Variants in COLQ observed in about 807,000 individuals in gnomAD.
The protein encoded by COLQ is collagen like tail subunit of asymmetric acetylcholinesterase.
Under a neutral mutation model 69.0 loss-of-function variants are expected in COLQ, and 48 were observed. The ratio of observed to expected loss-of-function variants is 0.70; its 90% CI spans 0.55 to 0.88. The LOEUF is 0.88. Among genes scored for constraint, COLQ ranks in the 40% least tolerant of loss-of-function variants. The probability of loss-of-function intolerance (pLI) is 0.00; values close to 1 mark genes in which losing one functional copy is unlikely to be tolerated. For missense variants in COLQ, 618 were observed against 594.6 expected, an observed-to-expected ratio of 1.04 and a Z score of -0.41; for synonymous variants, 217 against 211.2, an observed-to-expected ratio of 1.03 and a Z score of -0.24.
intron 1 of COLQ, among the ~76,000 whole-genome samples, chr3:15,492,302 G>C (rs2062679784): frequency 6.6e-6 from 1 of 152,128 alleles, no homozygotes; most frequent in Non-Finnish European, 1.5e-5. Context: ...TTCCCGACTA[G>C]ATAAAGCACA....
At chr3:15,463,277 AT>A (rs59097483) in intron 12 of COLQ, among the ~76,000 whole-genome samples, 152,105 of 152,106 alleles carry the variant, frequency 1, 76,052 homozygotes, top group Middle Eastern at 1. Context: ...CACCAATCCC[AT>A]TGCCCCTGGA....
intron 1 of COLQ, among the ~76,000 whole-genome samples, chr3:15,500,631 A>G (rs532391311): frequency 7.9e-5 from 12 of 152,178 alleles, no homozygotes; most frequent in African/African-American, 2.9e-4. Flanking sequence ...CAGGTTCACG[A>G]ATATCTTCTG....
At chr3:15,474,329 A>T (rs2062341989) in intron 8 of COLQ, 57 bp from the exon 9 acceptor site, 8 of 1,584,212 alleles carry the variant, frequency 5.0e-6, no homozygotes, top group Non-Finnish European at 6.1e-6. Flanking sequence ...GGGAAATTCA[A>T]GCATTTCAAA....
At chr3:15,472,987 G>C (rs34573736) in intron 10 of COLQ, among the ~76,000 whole-genome samples, 3 of 150,764 alleles carry the variant, frequency 2.0e-5, no homozygotes, top group Non-Finnish European at 2.9e-5. Flanking sequence ...AGCCTCCTGA[G>C]TCGCTGGGAC....
chr3:15,478,576 T>G, intron 5 of COLQ: 2 of 266,998 alleles, frequency 7.5e-6, no homozygotes, highest in South Asian at 5.1e-5. Flanking sequence ...CAAAAGCCAT[T>G]TGTTTCTGTC....
intron 1 of COLQ, among the ~76,000 whole-genome samples, chr3:15,514,244 C>T (rs1054408491): frequency 1.3e-5 from 2 of 152,104 alleles, no homozygotes; most frequent in Admixed American, 6.5e-5. Flanking sequence ...ATTACAGTAG[C>T]CATAGGAAAC....
At chr3:15,484,121 A>T (rs573224518) in intron 3 of COLQ, among the ~76,000 whole-genome samples, 2 of 152,004 alleles carry the variant, frequency 1.3e-5, no homozygotes, top group African/African-American at 4.8e-5. Context: ...TGCACGTGAG[A>T]TGGGTCTCCT....
At chr3:15,487,231 A>T (rs1450319017) in intron 3 of COLQ, among the ~76,000 whole-genome samples, 2 of 152,214 alleles carry the variant, frequency 1.3e-5, no homozygotes, top group African/African-American at 4.8e-5. Flanking sequence ...GTGGCATAGA[A>T]GCTGAGTCCT....
intron 14 of COLQ, 70 bp downstream of exon 14, chr3:15,456,390 T>C (rs1401956555): frequency 1.2e-6 from 2 of 1,602,480 alleles, no homozygotes; most frequent in Admixed American, 1.7e-5. Context: ...GGGGTGGCCT[T>C]CCCTTCCTTT....
intron 1 of COLQ, among the ~76,000 whole-genome samples, chr3:15,494,815 G>A (rs2062722385): frequency 6.6e-6 from 1 of 152,212 alleles, no homozygotes; most frequent in Admixed American, 6.5e-5. Flanking sequence ...TTTATCCCCA[G>A]GGTCTAGCAC....
chr3:15,485,192 C>T (rs2062554086), intron 3 of COLQ, among the ~76,000 whole-genome samples: 1 of 152,216 alleles, frequency 6.6e-6, no homozygotes. Context: ...TGGGTATCAC[C>T]AGTGGAGGCT....
Position 15,478,982 on chromosome 3 carries a change from T to C in COLQ, c.388A>G (p.Arg130Gly), listed in dbSNP as rs758861218. 1.2e-6 allele frequency: 2 copies of C among 1,614,072 alleles called. No homozygotes were observed. The highest frequency in any genetic ancestry group is 1.7e-6 in the Non-Finnish European group (2 of 1,180,032). Residue 130 changes from arginine (R) to glycine (G), a missense_variant, in exon 5 of 17, where the codon AGG becomes GGG. By Grantham distance (125) the Arg-to-Gly change is moderately radical (BLOSUM62 -2). Coordinates refer to ENST00000383788, the MANE Select transcript of COLQ (RefSeq NM_005677.4). Reference protein sequence around the residue: ...GEKGELGRPGRKGRPGPPGVP... With the variant: ...GEKGELGRPGGKGRPGPPGVP... ...CAGAACAGCGCAGACCATACCTTCC[T>C]TCCTGGTCGGCCAAGCTCCCCCTAT...
intron 2 of COLQ, 139 bp downstream of exon 2, chr3:15,489,386 T>C: frequency 2.6e-6 from 2 of 776,802 alleles, no homozygotes; most frequent in South Asian, 1.5e-5. Flanking sequence ...GCTCAACTTC[T>C]GGGTGACAGT....
chr3:15,489,469 G>A, intron 2 of COLQ, 56 bp downstream of exon 2: 1 of 1,515,562 alleles, frequency 6.6e-7, no homozygotes, highest in Non-Finnish European at 9.2e-7. Context: ...GGGGCTGCGT[G>A]GTGTGCACTG....
intron 1 of COLQ, among the ~76,000 whole-genome samples, chr3:15,500,346 C>T (rs2062814098): frequency 6.6e-6 from 1 of 152,206 alleles, no homozygotes; most frequent in African/African-American, 2.4e-5. Flanking sequence ...CTGACTTTCT[C>T]TATTCTGAGT....
At chr3:15,497,499 C>T (rs1334839535) in intron 1 of COLQ, among the ~76,000 whole-genome samples, 2 of 152,150 alleles carry the variant, frequency 1.3e-5, no homozygotes, top group Non-Finnish European at 1.5e-5. Context: ...TTCCCTCCCA[C>T]CCCCTCAATC....
At chr3:15,454,430 A>G (rs73818508) in intron 15 of COLQ, among the ~76,000 whole-genome samples, 3,378 of 152,154 alleles carry the variant, frequency 0.022, 102 homozygotes, top group African/African-American at 0.073. Flanking sequence ...TGGAGTATGG[A>G]TCCCAGCGTT....
At position 15,470,589 on chromosome 3, in the gene COLQ, C is replaced by A; in HGVS notation, c.664G>T (p.Gly222Trp). ...GTGGGTCCTCGGTGTCCTGCTATCC[C>A]AGGTTCACCTTTTGGACCCATTTCA... Reference protein sequence around the residue: ...KGEMGPKGEPGIAGHRGPTGR... With the variant: ...KGEMGPKGEPWIAGHRGPTGR... The change falls in exon 11 of 17, where the codon GGG (glycine) becomes TGG (tryptophan). Residue 222 changes from glycine (G) to tryptophan (W), a missense_variant. Coordinates refer to ENST00000383788, the MANE Select transcript of COLQ (RefSeq NM_005677.4). 6.2e-7 allele frequency: 1 copy of A among 1,614,142 alleles called. No homozygotes were observed. Among genetic ancestry groups the A allele is most frequent in the Non-Finnish European group, 8.5e-7 (1 of 1,180,022 alleles).
chr3:15,475,025 T>A (rs1330551030), intron 7 of COLQ, 74 bp from the exon 8 acceptor site: 7 of 1,372,526 alleles, frequency 5.1e-6, no homozygotes, highest in South Asian at 2.3e-5. Context: ...ATAGAAGGAA[T>A]CCCTGAATGT....
Sources: allele counts gnomAD v4.1 joint callset (sites outside exome capture counted in the v4.1 genomes callset), GRCh38; gene constraint gnomAD v4.1.1; transcripts MANE v1.5; gene names NCBI Gene and HGNC (gene_info 2026-07-23, HGNC 2026-07-21).